IFT80: variants seen among roughly 807,000 people sequenced by gnomAD.
IFT80 encodes intraflagellar transport protein 80 homolog.
In IFT80, 79 loss-of-function variants were observed where a neutral mutation model predicts 107.9. The observed-to-expected ratio is 0.73, with a 90% CI of 0.61 to 0.88. IFT80 has a LOEUF of 0.88. IFT80 is among the 40% of genes least tolerant of loss of function. The pLI is 0.00. For synonymous variants in IFT80, 299 were observed against 300.9 expected, an observed-to-expected ratio of 0.99 and a Z score of 0.07; for missense variants, 797 against 914.2, an observed-to-expected ratio of 0.87 and a Z score of 1.65.
At chr3:160,282,389 A>G (rs1182215427) in intron 14 of IFT80, 89 bp downstream of exon 14, 13 of 966,362 alleles carry the variant, frequency 1.3e-5, no homozygotes, top group Non-Finnish European at 2.0e-5. Flanking sequence ...CAAAACATTA[A>G]AACATTTCCA....
chr3:160,311,222 G>C (rs1717223488), intron 9 of IFT80, among the ~76,000 whole-genome samples: 1 of 152,170 alleles, frequency 6.6e-6, no homozygotes, highest in African/African-American at 2.4e-5. Context: ...AAATTCAACA[G>C]AATAACCTGT....
At chr3:160,389,941 C>A (rs1713239151) in intron 1 of IFT80, among the ~76,000 whole-genome samples, 1 of 152,050 alleles carries the variant, frequency 6.6e-6, no homozygotes, top group Non-Finnish European at 1.5e-5. Context: ...GTTTACAGTC[C>A]CACCAACAGT....
At chr3:160,277,053 T>G (rs1027303838) in intron 18 of IFT80, among the ~76,000 whole-genome samples, 1 of 152,224 alleles carries the variant, frequency 6.6e-6, no homozygotes, top group East Asian at 1.9e-4. Context: ...TATGGTGTCA[T>G]GATCTCTCCA....
At chr3:160,370,745 C>G (rs1361630355) in intron 5 of IFT80, among the ~76,000 whole-genome samples, 1 of 152,118 alleles carries the variant, frequency 6.6e-6, no homozygotes, top group Non-Finnish European at 1.5e-5. Flanking sequence ...TTCTACATAT[C>G]CAAAACCATC....
intron 8 of IFT80, 47 bp downstream of exon 8, chr3:160,355,966 C>T (rs769335646): frequency 1.2e-6 from 2 of 1,603,848 alleles, no homozygotes; most frequent in Non-Finnish European, 1.7e-6. Context: ...TTGTGCATTA[C>T]CACATTTATG....
intron 19 of IFT80, among the ~76,000 whole-genome samples, chr3:160,260,703 G>A (rs1393014530): frequency 6.6e-6 from 1 of 152,158 alleles, no homozygotes; most frequent in African/African-American, 2.4e-5. Flanking sequence ...TAGTTGTCAA[G>A]TGATTTCTAC....
At chr3:160,326,404 A>G (rs1360380183) in intron 8 of IFT80, among the ~76,000 whole-genome samples, 1 of 152,178 alleles carries the variant, frequency 6.6e-6, no homozygotes, top group Non-Finnish European at 1.5e-5. Context: ...ATCTTTGATG[A>G]CCATCAATGC....
intron 6 of IFT80, 87 bp downstream of exon 6, chr3:160,365,956 C>T (rs1436745696): frequency 2.1e-6 from 2 of 948,512 alleles, no homozygotes; most frequent in African/African-American, 1.6e-5. Flanking sequence ...AAAAGACCAC[C>T]CAGAAGAAAG....
intron 10 of IFT80, 135 bp downstream of exon 10, chr3:160,307,528 T>G: frequency 1.4e-6 from 1 of 721,478 alleles, no homozygotes; most frequent in East Asian, 2.5e-5. Flanking sequence ...CTTCCGGGTT[T>G]GAGGTAGTTC....
chr3:160,355,855 A>T (rs1293799407), intron 8 of IFT80, among the ~76,000 whole-genome samples, 158 bp downstream of exon 8: 1 of 152,248 alleles, frequency 6.6e-6, no homozygotes, highest in Non-Finnish European at 1.5e-5. Flanking sequence ...GGTCCCATAT[A>T]TCTGGAATTG....
Position 160,277,409 on chromosome 3 carries a change from G to A in IFT80, c.1996C>T (p.Leu666=). Residue 666 remains leucine, a synonymous_variant, in exon 18 of 20, where the codon CTA becomes TTA. Transcript: ENST00000326448. ...PSKESKMAHI[L]LFSGNIQEAE... The stretch of plus-strand genomic sequence containing the variant: ...TCCTGTATGTTCCCACTAAACAGTA[G>A]TATGTGGGCCATTTTTGATTCTTTA... 6.2e-7 allele frequency: 1 copy of A among 1,611,032 alleles called. No individual in the cohort carries two copies. The highest frequency in any genetic ancestry group is 8.5e-7 in the Non-Finnish European group (1 of 1,177,394).
chr3:160,353,694 G>A (rs755951264), intron 8 of IFT80, among the ~76,000 whole-genome samples: 1 of 152,138 alleles, frequency 6.6e-6, no homozygotes, highest in Admixed American at 6.6e-5. Context: ...CACCCTTGCA[G>A]TGCTTGTATA....
In IFT80 at chr3:160,258,484, G is replaced by A. The variant is rs768673036; in HGVS notation, c.*41C>T. On this transcript the variant is annotated 3_prime_UTR_variant, in exon 20 of 20. Transcript: ENST00000326448. The stretch of plus-strand genomic sequence containing the variant: ...ATGCTTACCCTTGGTTAATCAGAAC[G>A]TGTTTCAAAAGATAAAATTTCTTAA... 1.4e-5 allele frequency: 22 copies of A among 1,612,072 alleles called. No homozygotes were observed. The Admixed American group carries it at 1.5e-4, about 11-fold the overall frequency.
intron 6 of IFT80, among the ~76,000 whole-genome samples, chr3:160,362,667 C>G (rs527295245): frequency 1.3e-5 from 2 of 152,274 alleles, no homozygotes; most frequent in East Asian, 3.9e-4. Flanking sequence ...AAAAGCTTAT[C>G]CACCATGATC....
chr3:160,268,457 C>T lies in IFT80; in HGVS notation c.2179G>A (p.Gly727Ser), dbSNP rs977361551. The T allele has an allele frequency of 6.2e-7, 1 of 1,613,292 alleles. No homozygotes were observed. The highest frequency in any genetic ancestry group is 1.7e-5 in the Admixed American group (1 of 59,982). ...TATCGTTTATTAGTTTCCTGTTTAC[C>T]AAATGTCTCCAAAAACTTTTGACGG... ...AYRQKFLETFGKQETNKRYLH... is the reference protein window; with the variant it reads ...AYRQKFLETFSKQETNKRYLH... The change falls in exon 19 of 20, where the codon GGT becomes AGT. Residue 727 changes from glycine (G) to serine (S), a missense_variant. Transcript: ENST00000326448.
chr3:160,303,854 A>C, intron 11 of IFT80, 61 bp downstream of exon 11: 1 of 1,032,080 alleles, frequency 9.7e-7, no homozygotes, highest in Admixed American at 1.7e-5. Context: ...GTTTTTATTA[A>C]AGAGTGCTTT....
At chr3:160,293,404 G>A (rs1715724039) in intron 12 of IFT80, among the ~76,000 whole-genome samples, 1 of 152,150 alleles carries the variant, frequency 6.6e-6, no homozygotes, top group Admixed American at 6.6e-5. Flanking sequence ...TATAACACTG[G>A]AATTGTTGGT....
intron 6 of IFT80, among the ~76,000 whole-genome samples, chr3:160,358,921 C>T (rs1721294651): frequency 6.6e-6 from 1 of 152,092 alleles, no homozygotes; most frequent in South Asian, 2.1e-4. Context: ...TACCACAGTG[C>T]CTGGTATATA....
chr3:160,329,110 A>G (rs1190726188), intron 8 of IFT80, among the ~76,000 whole-genome samples: 1 of 152,194 alleles, frequency 6.6e-6, no homozygotes, highest in Non-Finnish European at 1.5e-5. Context: ...CATGTTATCT[A>G]TGTAACAAAC....
Sources: allele counts gnomAD v4.1 joint callset (sites outside exome capture counted in the v4.1 genomes callset), GRCh38; gene constraint gnomAD v4.1.1; transcripts MANE v1.5; gene names NCBI Gene and HGNC (gene_info 2026-07-23, HGNC 2026-07-21).